MOK: variants seen among roughly 807,000 people sequenced by gnomAD.
MOK encodes MAPK/MAK/MRK overlapping kinase.
Under a neutral mutation model 54.2 loss-of-function variants are expected in MOK, and 59 were observed. The ratio of observed to expected loss-of-function variants is 1.09; its 90% CI spans 0.88 to 1.35. MOK has a LOEUF of 1.35. Ranked by LOEUF, MOK falls within the 40% of genes most tolerant of loss-of-function variation. MOK has a pLI of 0.00. For synonymous variants in MOK, 210 were observed against 202.7 expected, an observed-to-expected ratio of 1.04 and a Z score of -0.31; for missense variants, 517 against 526.2, an observed-to-expected ratio of 0.98 and a Z score of 0.17.
chr14:102,236,245 C>G lies in MOK; in HGVS notation c.591-2456G>C, dbSNP rs2065211223. ...ACTGACCGGGCCCAGGGCCCCCGGC[C>G]CCATCTGCCATCACTGCATTGGAGC... On this transcript the variant is annotated intron_variant, in intron 7 of 11. Transcript: ENST00000361847. The surrounding 1 kb of genome is among the most constrained non-coding windows in gnomAD (Gnocchi z 4.5). 6.6e-6 allele frequency among the ~76,000 whole-genome samples: 1 copy of G among 152,252 alleles called. No homozygotes were observed. Among genetic ancestry groups the G allele is most frequent in the Non-Finnish European group, 1.5e-5 (1 of 68,046 alleles).
chr14:102,231,640 C>A lies in MOK; in HGVS notation c.981+67G>T, dbSNP rs981006943. ...AGGTGGCGTCCTCCTGAGAGAGACA[C>A]AGGCCACCCGAGGGCATCCAGTCCC... On this transcript the variant is annotated intron_variant, in intron 10 of 11. Coordinates refer to ENST00000361847, the MANE Select transcript of MOK (RefSeq NM_014226.3). The surrounding 1 kb of genome is among the most constrained non-coding windows in gnomAD (Gnocchi z 4.4). 1 of 1,443,562 alleles carries A rather than the reference C, an allele frequency of 6.9e-7. No homozygotes were observed. The allele number at this position is 1,443,562 out of a possible 1,614,324, so 89.4% of individuals were successfully genotyped here.
At chr14:102,224,839 A>G (rs1372855315), downstream of MOK, 1 of 455,508 alleles carries the variant, frequency 2.2e-6, no homozygotes, top group Non-Finnish European at 4.4e-6. Context: ...GCTGTTCTAA[A>G]TGAAAGAATC....
intron 2 of MOK, among the ~76,000 whole-genome samples, chr14:102,267,950 G>C (rs1475709648): frequency 6.9e-6 from 1 of 145,850 alleles, no homozygotes; most frequent in African/African-American, 2.6e-5. Flanking sequence ...ACAATGCACA[G>C]AACAGAAAAA....
intron 2 of MOK, among the ~76,000 whole-genome samples, chr14:102,273,023 C>T (rs986804079): frequency 6.6e-6 from 1 of 151,740 alleles, no homozygotes; most frequent in Non-Finnish European, 1.5e-5. Context: ...TACAAAAATT[C>T]GCCAGGCGTG....
intron 7 of MOK, among the ~76,000 whole-genome samples, chr14:102,248,075 C>A (rs2066231078): frequency 6.6e-6 from 1 of 152,238 alleles, no homozygotes; most frequent in Non-Finnish European, 1.5e-5. Context: ...AGCCTTCCCC[C>A]ATAACCATCA....
downstream of MOK, among the ~76,000 whole-genome samples, chr14:102,222,455 GC>G (rs1435259028): frequency 3.9e-5 from 6 of 152,184 alleles, no homozygotes; most frequent in East Asian, 1.2e-3. The surrounding 1 kb of genome is among the most constrained non-coding windows in gnomAD (Gnocchi z 4.4). Context: ...GGTGCCCTGG[GC>G]TCAACCCTGG....
At chr14:102,242,312 G>A (rs917332304) in intron 7 of MOK, among the ~76,000 whole-genome samples, 1 of 152,094 alleles carries the variant, frequency 6.6e-6, no homozygotes. Flanking sequence ...GTGCCAACTT[G>A]GACAACATTC....
chr14:102,226,482 G>A (rs949503184), downstream of MOK: 14 of 700,586 alleles, frequency 2.0e-5, no homozygotes, highest in Admixed American at 1.2e-4. The surrounding 1 kb of genome is among the most constrained non-coding windows in gnomAD (Gnocchi z 4.8). Context: ...CAGGGTTCAC[G>A]AGCTTTCCAG....
chr14:102,298,786 C>T (rs908261920), intron 1 of MOK, among the ~76,000 whole-genome samples: 2 of 152,198 alleles, frequency 1.3e-5, no homozygotes, highest in African/African-American at 4.8e-5. Flanking sequence ...GCTACTCACT[C>T]TTTGGGTCCA....
chr14:102,262,137 A>G (rs1040929641), intron 4 of MOK, among the ~76,000 whole-genome samples: 4 of 149,142 alleles, frequency 2.7e-5, no homozygotes, highest in Non-Finnish European at 5.9e-5. Context: ...CACCGCGCCC[A>G]GCCCCTGGCC....
intron 3 of MOK, 30 bp downstream of exon 3, chr14:102,265,793 G>C: frequency 6.5e-7 from 1 of 1,540,748 alleles, no homozygotes; most frequent in Non-Finnish European, 9.0e-7. Context: ...ATCAAATTTA[G>C]ATAACTTTTC....
chr14:102,304,829 G>A, intron 1 of MOK, 133 bp downstream of exon 1: 1 of 1,016,988 alleles, frequency 9.8e-7, no homozygotes. Context: ...GGAGCCTCCC[G>A]GGCCTGTCGA....
At chr14:102,290,372 G>A (rs1269237732) in intron 1 of MOK, among the ~76,000 whole-genome samples, 3 of 151,832 alleles carry the variant, frequency 2.0e-5, no homozygotes, top group Non-Finnish European at 4.4e-5. Context: ...CCCAAGAGGA[G>A]GAGGTTGCGG....
intron 3 of MOK, among the ~76,000 whole-genome samples, chr14:102,264,829 G>C (rs1399759307): frequency 2.6e-5 from 4 of 152,186 alleles, no homozygotes; most frequent in Admixed American, 2.0e-4. Context: ...TACAGGCCAG[G>C]CTCCCTCCGG....
intron 7 of MOK, among the ~76,000 whole-genome samples, chr14:102,248,647 G>A (rs543425805): frequency 3.3e-5 from 5 of 151,928 alleles, no homozygotes; most frequent in East Asian, 1.9e-4. Flanking sequence ...GCGTGCTGGC[G>A]GGTGCCTGTA....
downstream of MOK, among the ~76,000 whole-genome samples, chr14:102,224,039 T>A (rs887778496): frequency 1.4e-5 from 2 of 141,990 alleles, no homozygotes; most frequent in South Asian, 2.3e-4. Context: ...TACCTGAGAT[T>A]TTTTTTTTTT....
chr14:102,269,405 C>T (rs1319963166), intron 2 of MOK, among the ~76,000 whole-genome samples: 1 of 151,022 alleles, frequency 6.6e-6, no homozygotes, highest in Non-Finnish European at 1.5e-5. Context: ...AGGCTGGTCT[C>T]GACCCCCAAC....
Position 102,241,447 on chromosome 14 carries a change from C to T in MOK, c.591-7658G>A, listed in dbSNP as rs150303141. On this transcript the variant is annotated intron_variant, in intron 7 of 11. Transcript: ENST00000361847. ...TTCCTCTTAAGGAGGTGGCTGGAGC[C>T]GAAGGCTTAGCCAAGGTTAATGCTC... Among the ~76,000 whole-genome samples the T allele has an allele frequency of 7.8e-3, 1,192 of 152,310 alleles. 11 individuals carry two copies. The highest frequency in any genetic ancestry group is 0.027 in the African/African-American group (1,131 of 41,548).
intron 7 of MOK, among the ~76,000 whole-genome samples, chr14:102,244,649 C>G (rs1323974296): frequency 6.6e-6 from 1 of 152,164 alleles, no homozygotes; most frequent in African/African-American, 2.4e-5. Flanking sequence ...AACTAAAATA[C>G]GTCTCGGTCT....
Sources: allele counts gnomAD v4.1 joint callset (sites outside exome capture counted in the v4.1 genomes callset), GRCh38; gene constraint gnomAD v4.1.1; non-coding constraint Gnocchi (gnomAD v3.1); transcripts MANE v1.5; gene names NCBI Gene and HGNC (gene_info 2026-07-23, HGNC 2026-07-21).